The following CFAP119 variants were observed in gnomAD, a reference collection of about 807,000 sequenced individuals.
CFAP119 encodes the protein cilia and flagella associated protein 119.
chr16:30,759,562 A>G, the CFAP119 span: 1 of 1,614,122 alleles, frequency 6.2e-7, no homozygotes. Flanking sequence ...TGGGGTCTTC[A>G]CAAGAAGATA....
chr16:30,760,375 G>GT, the CFAP119 span: 1 of 1,614,228 alleles, frequency 6.2e-7, no homozygotes, highest in South Asian at 1.1e-5. Flanking sequence ...AAATGAGCGC[G>GT]TGGCAGAAGA....
At chr16:30,761,698 C>T in the CFAP119 span, 1 of 1,534,996 alleles carries the variant, frequency 6.5e-7, no homozygotes, top group Non-Finnish European at 8.7e-7. Context: ...GATGTTCAAG[C>T]TCCGACTGCA....
At chr16:30,760,421 G>A in the CFAP119 span, 2 of 1,614,080 alleles carry the variant, frequency 1.2e-6, no homozygotes, top group Non-Finnish European at 1.7e-6. Flanking sequence ...GCTCTGCTCA[G>A]GACACCCTAG....
At chr16:30,760,775 TCTTTTGCCAGCTTGCTGTGTGA>T in the CFAP119 span, 1 of 990,520 alleles carries the variant, frequency 1.0e-6, no homozygotes, top group African/African-American at 1.6e-5. Flanking sequence ...GAAGCTGGGC[TCTTTTGCCAGCTTGCTGTGTGA>T]CTATGCAAAT....
the CFAP119 span, chr16:30,757,881 T>C: frequency 7.8e-7 from 1 of 1,277,348 alleles, no homozygotes; most frequent in African/African-American, 1.5e-5. Context: ...ACTCAGTAGC[T>C]GTGTGACCTT....
chr16:30,757,429 G>A, the CFAP119 span: 1 of 1,588,502 alleles, frequency 6.3e-7, no homozygotes, highest in South Asian at 1.2e-5. Context: ...AGGGTGCAGG[G>A]ATGGTGCCAT....
the CFAP119 span, chr16:30,758,734 T>G: frequency 6.7e-6 from 3 of 450,210 alleles, no homozygotes; most frequent in Non-Finnish European, 1.2e-5. Context: ...TTTTGTATTT[T>G]AGTAGATAGG....
chr16:30,758,141 C>G, the CFAP119 span: 1 of 149,464 alleles, frequency 6.7e-6, no homozygotes, highest in South Asian at 2.1e-4. Flanking sequence ...GCAGCGATCT[C>G]AGCTCACTGC....
the CFAP119 span, chr16:30,758,751 C>T: frequency 1.9e-6 from 1 of 515,136 alleles, no homozygotes; most frequent in East Asian, 3.7e-5. Context: ...TAGGGGGTTT[C>T]ACGGTGTTGC....
the CFAP119 span, chr16:30,760,761 G>C: frequency 1.7e-6 from 2 of 1,176,612 alleles, no homozygotes; most frequent in African/African-American, 3.0e-5. Flanking sequence ...TTGGCCACCG[G>C]CGTGAAGCTG....
chr16:30,760,724 G>A, the CFAP119 span: 3 of 1,467,512 alleles, frequency 2.0e-6, no homozygotes, highest in Non-Finnish European at 2.8e-6. Context: ...TGACAAGGCT[G>A]TGACAGCTAG....
chr16:30,761,740 G>T, the CFAP119 span: 1 of 1,522,828 alleles, frequency 6.6e-7, no homozygotes, highest in African/African-American at 1.4e-5. Context: ...TGGTCTTGCG[G>T]TTGAGCATCT....
At chr16:30,758,747 G>A in the CFAP119 span, 1 of 501,908 alleles carries the variant, frequency 2.0e-6, no homozygotes. Context: ...TAGATAGGGG[G>A]TTTCACGGTG....
At chr16:30,758,952 A>G in the CFAP119 span, 3 of 1,603,844 alleles carry the variant, frequency 1.9e-6, no homozygotes, top group African/African-American at 1.3e-5. Flanking sequence ...ATGTCATCCA[A>G]ACCCTTCATT....
the CFAP119 span, chr16:30,760,158 T>C: frequency 1.3e-6 from 2 of 1,586,368 alleles, no homozygotes; most frequent in East Asian, 4.6e-5. Context: ...GGCTTGTGTA[T>C]GATGATGCTA....
At chr16:30,760,803 C>CA in the CFAP119 span, 15 of 767,272 alleles carry the variant, frequency 2.0e-5, no homozygotes, top group Admixed American at 4.1e-5. Flanking sequence ...TGTGACTATG[C>CA]AAATCGTTAA....
chr16:30,757,526 C>G, the CFAP119 span: 4 of 1,614,118 alleles, frequency 2.5e-6, no homozygotes, highest in Admixed American at 1.7e-5. Context: ...AAGGGCCGCT[C>G]TAGTGCAGTC....
At chr16:30,757,623 C>T in the CFAP119 span, 126 of 1,613,952 alleles carry the variant, frequency 7.8e-5, no homozygotes, top group Admixed American at 1.3e-4. Context: ...TCACTTGGGT[C>T]TTGATGTAGG....
At chr16:30,759,585 G>T in the CFAP119 span, 3 of 1,614,146 alleles carry the variant, frequency 1.9e-6, no homozygotes, top group South Asian at 2.2e-5. Context: ...GGTGATGAAT[G>T]TGAGAGAGAC....
Sources: allele counts gnomAD v4.1 joint callset, GRCh38; gene constraint gnomAD v4.1.1; transcripts MANE v1.5; gene names NCBI Gene and HGNC (gene_info 2026-07-23, HGNC 2026-07-21).